Variants in VTI1A observed in about 807,000 individuals in gnomAD.
The protein encoded by VTI1A is vesicle transport through interaction with t-SNAREs 1A, also known as vesicle transport through interaction with t-SNAREs homolog 1A.
Under a neutral mutation model 34.9 loss-of-function variants are expected in VTI1A, and 22 were observed. The ratio of observed to expected loss-of-function variants is 0.63; its 90% confidence interval spans 0.45 to 0.90. The LOEUF is 0.90. Ranked by LOEUF, VTI1A falls within the 40% of genes least tolerant of loss-of-function variation. The probability of loss-of-function intolerance (pLI) is 0.00; values close to 1 mark genes in which losing one functional copy is unlikely to be tolerated. For synonymous variants in VTI1A, 87 were observed against 97.3 expected (o/e 0.89, Z 0.62); for missense variants, 268 against 275.6 (o/e 0.97, Z 0.20).
At chr10:112,640,411 C>G (rs976085782) in intron 5 of VTI1A, among the ~76,000 whole-genome samples, 2 of 152,012 alleles carry the variant, frequency 1.3e-5, no homozygotes, top group African/African-American at 4.8e-5. Flanking sequence ...CTTATTTTGC[C>G]CATAGCTTGC....
chr10:112,810,249 A>G (rs182850683), intron 7 of VTI1A, among the ~76,000 whole-genome samples: 2 of 152,000 alleles, frequency 1.3e-5, no homozygotes, highest in East Asian at 3.9e-4. Flanking sequence ...CTAAAAATAC[A>G]AAAATTAGCT....
chr10:112,678,214 T>C (rs1361895169), intron 7 of VTI1A, among the ~76,000 whole-genome samples: 1 of 152,216 alleles, frequency 6.6e-6, no homozygotes, highest in African/African-American at 2.4e-5. Context: ...TACTTTCCTT[T>C]TATGATTTTC....
intron 3 of VTI1A, among the ~76,000 whole-genome samples, chr10:112,514,017 G>T (rs895855540): frequency 4.6e-5 from 7 of 151,866 alleles, no homozygotes; most frequent in African/African-American, 1.7e-4. Flanking sequence ...GATAATGCTA[G>T]GCTCATAAAA....
At chr10:112,591,452 G>A (rs1297385207) in intron 5 of VTI1A, among the ~76,000 whole-genome samples, 5 of 151,732 alleles carry the variant, frequency 3.3e-5, no homozygotes, top group Admixed American at 6.6e-5. Flanking sequence ...CCCAGGAGGC[G>A]GAGCTTGCAG....
At chr10:112,458,363 A>G (rs957554385) in intron 1 of VTI1A, among the ~76,000 whole-genome samples, 1 of 152,232 alleles carries the variant, frequency 6.6e-6, no homozygotes. Context: ...GTGTGAAGAT[A>G]CTAAAAGGGT....
intron 3 of VTI1A, among the ~76,000 whole-genome samples, chr10:112,525,110 C>T (rs936864184): frequency 6.6e-6 from 1 of 152,078 alleles, no homozygotes; most frequent in Non-Finnish European, 1.5e-5. Flanking sequence ...ATGCTGTGTG[C>T]GATGGTCAAA....
chr10:112,543,350 A>G (rs908730536), intron 5 of VTI1A, among the ~76,000 whole-genome samples: 12 of 151,846 alleles, frequency 7.9e-5, no homozygotes, highest in Admixed American at 3.9e-4. Context: ...TTGTTTCCTG[A>G]CTTTTTAATG....
chr10:112,567,328 A>G (rs1231107947), intron 5 of VTI1A, among the ~76,000 whole-genome samples: 2 of 152,142 alleles, frequency 1.3e-5, no homozygotes, highest in African/African-American at 4.8e-5. Flanking sequence ...TGCGCCGGCC[A>G]TAATTTACTT....
the VTI1A span, among the ~76,000 whole-genome samples, chr10:112,842,037 C>CG: frequency 2.5e-5 from 1 of 39,904 alleles, no homozygotes; most frequent in Non-Finnish European, 5.9e-5. Flanking sequence ...GAGTTCTTTT[C>CG]TTTTTTTTTT....
At chr10:112,506,323 A>T (rs1193343800) in intron 3 of VTI1A, among the ~76,000 whole-genome samples, 2 of 152,208 alleles carry the variant, frequency 1.3e-5, no homozygotes, top group African/African-American at 4.8e-5. Context: ...TGACCAAAGC[A>T]TTAAGCAACA....
Position 112,760,769 on chromosome 10 carries a change from A to G in VTI1A, c.561-54521A>G, listed in dbSNP as rs141376716. 2.0e-3 allele frequency among the ~76,000 whole-genome samples: 305 copies of G among 152,002 alleles called. 1 individual carries two copies. The highest frequency in any genetic ancestry group is 3.4e-3 in the Middle Eastern group (1 of 294). ...CTGGGCATGGTGGTGTGCGCCTGTA[A>G]TCCCAGGTACCGGGGAGGCTGAGGC... is the stretch of plus-strand genomic sequence containing the variant. On this transcript the variant is annotated intron_variant, in intron 7 of 7. Coordinates refer to ENST00000393077, the MANE Select transcript of VTI1A (RefSeq NM_145206.4).
intron 3 of VTI1A, among the ~76,000 whole-genome samples, chr10:112,509,492 T>A (rs1849538797): frequency 6.6e-6 from 1 of 152,198 alleles, no homozygotes. Context: ...AATGACCTCT[T>A]CCAGTTTACA....
At chr10:112,518,577 CTCTCTCTCTCTCTA>C (rs1303798186) in intron 3 of VTI1A, among the ~76,000 whole-genome samples, 76 of 103,902 alleles carry the variant, frequency 7.3e-4, no homozygotes, top group South Asian at 4.1e-3. Flanking sequence ...CTCTCTCTCT[CTCTCTCTCTCTCTA>C]TATATATATA....
the VTI1A span, among the ~76,000 whole-genome samples, chr10:112,844,150 C>T: frequency 6.6e-6 from 1 of 152,180 alleles, no homozygotes; most frequent in Non-Finnish European, 1.5e-5. Flanking sequence ...GGCTCAAGAA[C>T]CTCTGGATAA....
chr10:112,677,053 T>C (rs887373685), intron 7 of VTI1A, among the ~76,000 whole-genome samples: 1 of 152,150 alleles, frequency 6.6e-6, no homozygotes, highest in Non-Finnish European at 1.5e-5. Flanking sequence ...ATCTTACTGA[T>C]TTGGATTGGT....
chr10:112,654,171 CCTT>C (rs781740726), intron 5 of VTI1A, among the ~76,000 whole-genome samples: 1 of 152,142 alleles, frequency 6.6e-6, no homozygotes, highest in Non-Finnish European at 1.5e-5. Flanking sequence ...TATGTACTCT[CCTT>C]CTAGGGTCAC....
intron 7 of VTI1A, among the ~76,000 whole-genome samples, chr10:112,688,201 G>A (rs1485595894): frequency 7.2e-5 from 11 of 151,934 alleles, no homozygotes; most frequent in South Asian, 2.1e-4. Context: ...TAATCTGCCC[G>A]CCTCAGCCTC....
chr10:112,509,652 T>C (rs1056583745), intron 3 of VTI1A, among the ~76,000 whole-genome samples: 1 of 152,068 alleles, frequency 6.6e-6, no homozygotes, highest in Non-Finnish European at 1.5e-5. Flanking sequence ...GTTGGAAAAT[T>C]AGATGGATGA....
At chr10:112,615,067 G>GA (rs1039568682) in intron 5 of VTI1A, among the ~76,000 whole-genome samples, 43 of 151,698 alleles carry the variant, frequency 2.8e-4, no homozygotes, top group African/African-American at 9.2e-4. Context: ...ATTATTAGCT[G>GA]AAAAAAAACC....
Sources: allele counts gnomAD v4.1 joint callset (sites outside exome capture counted in the v4.1 genomes callset), GRCh38; gene constraint gnomAD v4.1.1; transcripts MANE v1.5; gene names NCBI Gene and HGNC (gene_info 2026-07-23, HGNC 2026-07-21).